The following ZC3H12C variants were observed in gnomAD, a reference collection of about 807,000 sequenced individuals.
ZC3H12C encodes the protein zinc finger CCCH-type containing 12C.
In ZC3H12C, 20 loss-of-function variants were observed where a neutral mutation model predicts 76.3. The ratio of observed to expected loss-of-function variants is 0.26; its 90% CI spans 0.18 to 0.38. The LOEUF (loss-of-function observed/expected upper bound fraction) is 0.38, where lower values mean the gene tolerates loss of function less well. Ranked by LOEUF, ZC3H12C falls within the 10% of genes least tolerant of loss-of-function variation. The pLI is 1.00. For synonymous variants in ZC3H12C, 352 were observed against 399.6 expected (o/e 0.88, Z 1.42); for missense variants, 874 against 1,086.5 (o/e 0.80, Z 2.75).
rs372209291 is a variant in ZC3H12C, at chr11:110,152,776, G to A, written c.774-143G>A. 1.3e-3 allele frequency: 1,175 copies of A among 875,134 alleles called. 15 individuals are homozygous for A. Among genetic ancestry groups the A allele is most frequent in the South Asian group, 0.011 (625 of 56,998 alleles). 54.2% of individuals were successfully genotyped at this position (875,134 alleles called of 1,614,324 possible). On this transcript the variant is annotated intron_variant, in intron 2 of 5. Coordinates refer to ENST00000278590, the MANE Select transcript of ZC3H12C (RefSeq NM_033390.2). ...ATTTTCAACTTAGTTATCTCGATGT[G>A]TCTCTGATCTATAAACTCCATTTTA...
chr11:110,165,404 C>G lies in ZC3H12C; in HGVS notation c.2319C>G (p.Gly773=). Residue 773 remains glycine (G), a synonymous_variant, in exon 6 of 6, where the codon GGC becomes GGG. Transcript: ENST00000278590. ...GAAAGCCTTATTCCCGCCAGGAAGG[C>G]CTGGGAAGCTGGGAGAGGCCAGGCT... ...RQRKPYSRQE[G]LGSWERPGYG... is the part of the protein sequence containing the mutation. 1 of 1,614,018 alleles carries G rather than the reference C, an allele frequency of 6.2e-7. No homozygotes were observed. Among genetic ancestry groups the G allele is most frequent in the Non-Finnish European group, 8.5e-7 (1 of 1,179,902 alleles).
At chr11:110,135,534 G>C (rs981084821) in intron 1 of ZC3H12C, among the ~76,000 whole-genome samples, 3 of 146,930 alleles carry the variant, frequency 2.0e-5, no homozygotes, top group African/African-American at 5.0e-5. Flanking sequence ...TGTGGATATA[G>C]TTCTTACAAT....
At chr11:110,104,680 A>ACCTT (rs906132528) in intron 1 of ZC3H12C, among the ~76,000 whole-genome samples, 1 of 152,194 alleles carries the variant, frequency 6.6e-6, no homozygotes, top group African/African-American at 2.4e-5. Flanking sequence ...ACTGGTTGTG[A>ACCTT]CCTTCAGCGA....
rs936330755 is a variant in ZC3H12C, at chr11:110,166,062, C to T, written c.*325C>T. The T allele has an allele frequency of 1.8e-5, 4 of 223,074 alleles. No homozygotes were observed. The allele number at this position is 223,074 out of a possible 1,614,324, so 13.8% of individuals were successfully genotyped here. ...GTGCATCAGGGGTTTATATGCAGCA[C>T]TTTTTATCCTTGTTTTGTGTTTTAT... On this transcript the variant is annotated 3_prime_UTR_variant, in exon 6 of 6. Transcript: ENST00000278590.
rs915401476 is a variant in ZC3H12C, at chr11:110,166,690, T to A, written c.*953T>A. ...CCCTTTCACAGCACTTGCCTGTTTT[T>A]AATGAATCTAATTATTCACAATGCA... On this transcript the variant is annotated 3_prime_UTR_variant, in exon 6 of 6. Coordinates refer to ENST00000278590, the MANE Select transcript of ZC3H12C (RefSeq NM_033390.2). The A allele has an allele frequency of 6.6e-6, 1 of 152,224 alleles. No individual in the cohort carries two copies. The highest frequency in any genetic ancestry group is 1.5e-5 in the Non-Finnish European group (1 of 68,044). The allele number at this position is 152,224 out of a possible 1,614,324, so 9.4% of individuals were successfully genotyped here.
rs774671141 is a variant in ZC3H12C, at chr11:110,130,957, G to C, written c.22-5706G>C. 7 of 1,423,168 alleles carry C rather than the reference G, an allele frequency of 4.9e-6. No individual in the cohort carries two copies. In the Admixed American group the frequency reaches 1.0e-4, roughly 21 times the overall value. 88.2% of individuals were successfully genotyped at this position (1,423,168 alleles called of 1,614,324 possible). On this transcript the variant is annotated intron_variant, in intron 1 of 5. Coordinates refer to ENST00000278590, the MANE Select transcript of ZC3H12C (RefSeq NM_033390.2). ...CTATGATTGGCTGTTATTCCACTCG[G>C]TAATAGGTTAAGCAAAGACATTACC... is the stretch of plus-strand genomic sequence containing the variant.
At chr11:110,157,816 C>T (rs1300424906) in intron 3 of ZC3H12C, among the ~76,000 whole-genome samples, 1 of 152,182 alleles carries the variant, frequency 6.6e-6, no homozygotes, top group Non-Finnish European at 1.5e-5. Flanking sequence ...GTGGCAGTTA[C>T]AACCCTTGCT....
chr11:110,131,527 A>C lies in ZC3H12C; in HGVS notation c.22-5136A>C, dbSNP rs555736575. 3.2e-5 allele frequency: 6 copies of C among 185,780 alleles called. No homozygotes were observed. The South Asian group carries it at 6.6e-4, about 21-fold the overall frequency. The allele number at this position is 185,780 out of a possible 1,614,324, so 11.5% of individuals were successfully genotyped here. ...TGATAGAGCTTTCTGTTGTCTTAAA[A>C]GTCTAGCTTGGGGAGATGGATTGAT... is the stretch of plus-strand genomic sequence containing the variant. On this transcript the variant is annotated intron_variant, in intron 1 of 5. Transcript: ENST00000278590.
At chr11:110,126,273 G>C (rs1861746288) in intron 1 of ZC3H12C, among the ~76,000 whole-genome samples, 1 of 142,144 alleles carries the variant, frequency 7.0e-6, no homozygotes, top group Non-Finnish European at 1.5e-5. Context: ...GCCCAGGCTG[G>C]AGTGCAACTC....
At chr11:110,135,462 C>T (rs961119822) in intron 1 of ZC3H12C, among the ~76,000 whole-genome samples, 46 of 143,214 alleles carry the variant, frequency 3.2e-4, no homozygotes, top group African/African-American at 1.2e-3. Context: ...TGCACTCCAG[C>T]CTGGGCAACA....
intron 1 of ZC3H12C, among the ~76,000 whole-genome samples, chr11:110,124,889 C>A (rs573649837): frequency 4.4e-4 from 67 of 151,368 alleles, no homozygotes; most frequent in African/African-American, 1.6e-3. Context: ...AAGGGATATT[C>A]AAGGAAGGAG....
At chr11:110,116,429 T>C (rs1283872494) in intron 1 of ZC3H12C, among the ~76,000 whole-genome samples, 1 of 152,222 alleles carries the variant, frequency 6.6e-6, no homozygotes, top group East Asian at 1.9e-4. Context: ...TGAGATATCA[T>C]GCACAAAGGA....
intron 2 of ZC3H12C, among the ~76,000 whole-genome samples, chr11:110,141,773 C>T (rs548005139): frequency 1.3e-5 from 2 of 152,032 alleles, no homozygotes; most frequent in South Asian, 2.1e-4. Context: ...TCGGAGACTT[C>T]GTACAAAAAT....
intron 5 of ZC3H12C, 67 bp downstream of exon 5, chr11:110,163,446 C>G: frequency 7.8e-7 from 1 of 1,288,718 alleles, no homozygotes; most frequent in Non-Finnish European, 1.1e-6. Flanking sequence ...CTTTTGTTAA[C>G]AAAAATGAAC....
At chr11:110,154,565 T>G (rs527557877) in intron 3 of ZC3H12C, among the ~76,000 whole-genome samples, 34 of 152,120 alleles carry the variant, frequency 2.2e-4, no homozygotes, top group African/African-American at 8.2e-4. Context: ...ATGTACTTGT[T>G]TAGACCCTTA....
intron 3 of ZC3H12C, among the ~76,000 whole-genome samples, chr11:110,154,776 GA>G (rs36169501): frequency 0.69 from 97,834 of 142,264 alleles, 34,390 homozygotes; most frequent in South Asian, 0.79. Flanking sequence ...GTTGCCTAAG[GA>G]AAAAAAAATC....
intron 2 of ZC3H12C, among the ~76,000 whole-genome samples, chr11:110,141,141 A>G (rs531206357): frequency 6.6e-6 from 1 of 152,326 alleles, no homozygotes; most frequent in African/African-American, 2.4e-5. Flanking sequence ...GTTAGTACAC[A>G]TCTGATTGTA....
At chr11:110,153,137 T>G in intron 3 of ZC3H12C, 79 bp downstream of exon 3, 1 of 1,504,780 alleles carries the variant, frequency 6.6e-7, no homozygotes, top group Non-Finnish European at 8.9e-7. Flanking sequence ...TCAGGTATCC[T>G]AAATCCATTT....
chr11:110,109,696 C>T (rs1451254874), intron 1 of ZC3H12C, among the ~76,000 whole-genome samples: 1 of 152,008 alleles, frequency 6.6e-6, no homozygotes, highest in East Asian at 1.9e-4. Context: ...TTCTTGTTTT[C>T]TATTAGATGC....
Sources: allele counts gnomAD v4.1 joint callset (sites outside exome capture counted in the v4.1 genomes callset), GRCh38; gene constraint gnomAD v4.1.1; transcripts MANE v1.5; gene names NCBI Gene and HGNC (gene_info 2026-07-23, HGNC 2026-07-21).